Variants in ZFHX3 observed in about 807,000 individuals in gnomAD.
The protein encoded by ZFHX3 is zinc finger homeobox 3, also known as zinc finger homeobox protein 3.
In ZFHX3, 42 loss-of-function variants were observed where a neutral mutation model predicts 279.1. The observed-to-expected ratio is 0.15, with a 90% CI of 0.12 to 0.19. The LOEUF (loss-of-function observed/expected upper bound fraction) is 0.19. Among genes scored for constraint, ZFHX3 ranks in the 10% least tolerant of loss-of-function variants. The probability of loss-of-function intolerance (pLI) is 1.00; values close to 1 mark genes in which losing one functional copy is unlikely to be tolerated. For missense variants in ZFHX3, 4,981 were observed against 4,754.0 expected (o/e 1.05, Z -1.40); for synonymous variants, 2,293 against 1,957.8 (o/e 1.17, Z -4.52).
At chr16:73,230,119 G>A (rs534303774) in intron 5 of ZFHX3, among the ~76,000 whole-genome samples, 42 of 152,196 alleles carry the variant, frequency 2.8e-4, no homozygotes, top group African/African-American at 4.6e-4. Context: ...AATGAGTAGC[G>A]GGATGCACAT....
intron 3 of ZFHX3, among the ~76,000 whole-genome samples, chr16:73,399,866 C>G (rs953855926): frequency 1.9e-5 from 2 of 105,908 alleles, no homozygotes; most frequent in Non-Finnish European, 3.9e-5. Context: ...GTGTGTGTGT[C>G]TAGATAGCAG....
Position 73,315,478 on chromosome 16 carries a change from T to C in ZFHX3, c.-1194+2762A>G, listed in dbSNP as rs536972547. ...TTCACTTTTGCCAGATTTCCATTAA[T>C]ACCGGTATCTCTTTGGACCATCCAA... On this transcript the variant is annotated intron_variant, in intron 4 of 17. Coordinates refer to the ZFHX3 transcript ENST00000641206. Among the ~76,000 whole-genome samples the C allele has an allele frequency of 9.2e-5, 14 of 152,310 alleles. No homozygotes were observed. In the South Asian group the frequency reaches 2.5e-3, roughly 27 times the overall value.
chr16:73,259,743 CT>C (rs749485135), intron 4 of ZFHX3, among the ~76,000 whole-genome samples: 7 of 152,140 alleles, frequency 4.6e-5, no homozygotes, highest in Non-Finnish European at 1.0e-4. Context: ...CCCAGATTGT[CT>C]AAACATTAAC....
intron 1 of ZFHX3, among the ~76,000 whole-genome samples, chr16:73,771,897 A>G (rs534879980): frequency 6.6e-6 from 1 of 152,076 alleles, no homozygotes; most frequent in South Asian, 2.1e-4. Flanking sequence ...AAGTATTTAT[A>G]GACTGTGGTC....
At position 73,418,624 on chromosome 16, in the gene ZFHX3, T is replaced by C. The variant is rs192286985; in HGVS notation, c.-1291+37379A>G. ...CAGCTTAGCCCTGCCTTCCATTATA[T>C]ATACAAAGTGTTGTGTACGTTAGTG... On this transcript the variant is annotated intron_variant, in intron 3 of 17. Coordinates refer to the ZFHX3 transcript ENST00000641206. 9.1e-4 allele frequency among the ~76,000 whole-genome samples: 138 copies of C among 152,332 alleles called. 1 individual carries two copies. Among genetic ancestry groups the C allele is most frequent in the Non-Finnish European group, 1.5e-3 (105 of 68,030 alleles).
intron 3 of ZFHX3, among the ~76,000 whole-genome samples, chr16:73,402,674 T>C (rs567208998): frequency 3.4e-4 from 52 of 152,308 alleles, no homozygotes; most frequent in South Asian, 1.0e-3. Context: ...ACTCCTTAAC[T>C]TATAAGAGTT....
chr16:73,024,077 G>A (rs2144657976), intron 1 of ZFHX3, among the ~76,000 whole-genome samples: 1 of 152,324 alleles, frequency 6.6e-6, no homozygotes, highest in South Asian at 2.1e-4. Context: ...GACAGAGGCT[G>A]CCTCACCCAC....
intron 5 of ZFHX3, among the ~76,000 whole-genome samples, chr16:72,818,663 C>T (rs2036688799): frequency 6.6e-6 from 1 of 152,146 alleles, no homozygotes; most frequent in Non-Finnish European, 1.5e-5. Context: ...GGTCTTCAGG[C>T]CACAGCTAAA....
At chr16:73,077,635 T>C (rs905795399) in intron 8 of ZFHX3, among the ~76,000 whole-genome samples, 2 of 152,094 alleles carry the variant, frequency 1.3e-5, no homozygotes, top group South Asian at 4.1e-4. Flanking sequence ...AAGTAAATGG[T>C]CAAGGTATAT....
chr16:73,730,684 C>G lies in ZFHX3; in HGVS notation c.-1607-50444G>C, dbSNP rs1472602579. On this transcript the variant is annotated intron_variant, in intron 1 of 17. Coordinates refer to the ZFHX3 transcript ENST00000641206. ...AAGCCTCGTTTATGCTAATGAAGTC[C>G]TTTATTGGTCCAACAGGACGGAAAG... is the stretch of plus-strand genomic sequence containing the variant. 2.6e-5 allele frequency among the ~76,000 whole-genome samples: 4 copies of G among 152,296 alleles called. No homozygotes were observed. In the East Asian group the frequency reaches 7.7e-4, roughly 29 times the overall value.
At chr16:72,963,056 A>C (rs957761039) in intron 1 of ZFHX3, among the ~76,000 whole-genome samples, 1 of 152,172 alleles carries the variant, frequency 6.6e-6, no homozygotes, top group Non-Finnish European at 1.5e-5. Flanking sequence ...TCAACTCGGC[A>C]GGTCGATCAG....
At chr16:73,070,926 G>A (rs1347799149) in intron 8 of ZFHX3, among the ~76,000 whole-genome samples, 10 of 29,552 alleles carry the variant, frequency 3.4e-4, no homozygotes, top group African/African-American at 8.1e-4. Context: ...GCGCGCGCGC[G>A]CGCGCGCGCG....
chr16:73,025,933 C>T (rs2144662390), intron 1 of ZFHX3, among the ~76,000 whole-genome samples: 1 of 152,184 alleles, frequency 6.6e-6, no homozygotes, highest in East Asian at 1.9e-4. Flanking sequence ...AAACTTCACC[C>T]AATGTGACAC....
intron 2 of ZFHX3, among the ~76,000 whole-genome samples, chr16:73,650,012 T>C (rs1158032911): frequency 6.6e-6 from 1 of 152,120 alleles, no homozygotes; most frequent in Admixed American, 6.5e-5. Flanking sequence ...TGTGCGTCAG[T>C]TTACTCATTT....
At chr16:73,024,678 CAGA>C (rs1480574896) in intron 1 of ZFHX3, among the ~76,000 whole-genome samples, 2 of 152,212 alleles carry the variant, frequency 1.3e-5, no homozygotes, top group Non-Finnish European at 2.9e-5. Flanking sequence ...TTCCGCCTCC[CAGA>C]AGCGGGTTAC....
intron 2 of ZFHX3, among the ~76,000 whole-genome samples, chr16:73,541,116 A>G (rs2143749366): frequency 6.6e-6 from 1 of 152,240 alleles, no homozygotes; most frequent in South Asian, 2.1e-4. Flanking sequence ...AGCCTGGAGC[A>G]TGTCTCCACC....
At chr16:73,551,408 G>C (rs1162772564) in intron 2 of ZFHX3, among the ~76,000 whole-genome samples, 2 of 152,110 alleles carry the variant, frequency 1.3e-5, no homozygotes, top group Non-Finnish European at 2.9e-5. Flanking sequence ...TGTCTTAAAA[G>C]TAAATATCTA....
intron 3 of ZFHX3, chr16:73,400,428 A>C (rs2017226766): frequency 6.6e-6 from 1 of 152,216 alleles, no homozygotes; most frequent in East Asian, 1.9e-4. Flanking sequence ...GGAAGAGCTG[A>C]ACCATTCCCT....
intron 1 of ZFHX3, among the ~76,000 whole-genome samples, chr16:73,854,720 C>A (rs1961676481): frequency 8.5e-6 from 1 of 117,292 alleles, no homozygotes; most frequent in Non-Finnish European, 1.7e-5. Flanking sequence ...TTATCTCCCA[C>A]CTTCCACAAA....
Sources: gnomAD v4.1 joint callset for allele counts (sites outside exome capture counted in the v4.1 genomes callset) on GRCh38, gnomAD v4.1.1 for gene constraint, MANE v1.5 for transcripts, NCBI Gene and HGNC (gene_info 2026-07-23, HGNC 2026-07-21) for gene names.